Variants in NSD3 observed in about 807,000 individuals in gnomAD.
The protein encoded by NSD3 is histone-lysine N-methyltransferase NSD3.
A neutral mutation model predicts 160.8 loss-of-function variants in NSD3; 24 were observed. The ratio of observed to expected loss-of-function variants is 0.15; its 90% confidence interval spans 0.11 to 0.21. The LOEUF is 0.21. Ranked by LOEUF, NSD3 falls within the 10% of genes least tolerant of loss-of-function variation. The pLI, the probability that NSD3 is intolerant of heterozygous loss-of-function variation, is 1.00. For synonymous variants in NSD3, 520 were observed against 600.0 expected (o/e 0.87, Z 1.95); for missense variants, 1,157 against 1,735.9 (o/e 0.67, Z 5.93).
Position 38,347,887 on chromosome 8 carries a change from C to G in NSD3, c.285G>C (p.Gly95=), listed in dbSNP as rs755197522. The change falls in exon 2 of 24, where the codon GGG becomes GGC. Residue 95 remains glycine, a synonymous_variant. Transcript: ENST00000317025. The part of the protein sequence containing the change: ...KYQSYNQYPN[G]SANGFGAVRN... ...TAACTGCACCAAAGCCATTGGCTGA[C>G]CCATTAGGATACTGATTATATGACT... 4.3e-6 allele frequency: 7 copies of G among 1,614,126 alleles called. No homozygotes were observed. Among genetic ancestry groups the G allele is most frequent in the Non-Finnish European group, 5.9e-6 (7 of 1,180,044 alleles).
intron 1 of NSD3, among the ~76,000 whole-genome samples, chr8:38,372,328 A>C (rs1028872547): frequency 2.0e-5 from 3 of 152,148 alleles, no homozygotes; most frequent in Non-Finnish European, 2.9e-5. Flanking sequence ...ATTTTTTGTT[A>C]TTCATCGGTA....
intron 1 of NSD3, among the ~76,000 whole-genome samples, chr8:38,372,392 C>T (rs1476452492): frequency 6.6e-6 from 1 of 151,908 alleles, no homozygotes; most frequent in Non-Finnish European, 1.5e-5. Flanking sequence ...AGAAAGCTAC[C>T]TTAAAAATAT....
At chr8:38,313,226 T>A (rs1391181496) in intron 12 of NSD3, among the ~76,000 whole-genome samples, 1 of 152,178 alleles carries the variant, frequency 6.6e-6, no homozygotes, top group East Asian at 1.9e-4. Context: ...TGTGTATGTA[T>A]GTGAATGAAT....
chr8:38,323,662 T>A (rs970765417), intron 7 of NSD3, among the ~76,000 whole-genome samples: 1 of 151,108 alleles, frequency 6.6e-6, no homozygotes, highest in Non-Finnish European at 1.5e-5. Context: ...CTACAAAAAA[T>A]AAAAATAAAA....
chr8:38,298,998 A>T (rs1809220200), intron 15 of NSD3, among the ~76,000 whole-genome samples: 1 of 152,232 alleles, frequency 6.6e-6, no homozygotes, highest in South Asian at 2.1e-4. Flanking sequence ...TCTAAAAGCA[A>T]ACTTTCAAGT....
At position 38,318,839 on chromosome 8, in the gene NSD3, C is replaced by T; in HGVS notation, c.1855+56G>A. On this transcript the variant is annotated intron_variant, in intron 9 of 23. Coordinates refer to ENST00000317025, the MANE Select transcript of NSD3 (RefSeq NM_023034.2). This position sits in a 1 kb window ranked among gnomAD's most constrained non-coding sequence, Gnocchi z 5.3. Reference sequence around the variant, plus strand: ...AAAAATACATGAAGTACAAATAATTCTTAAAAATTGGTTTTAATCAAGGAA... The same window carrying T: ...AAAAATACATGAAGTACAAATAATTTTTAAAAATTGGTTTTAATCAAGGAA... 1 of 1,519,280 alleles carries T rather than the reference C, an allele frequency of 6.6e-7. No individual in the cohort carries two copies. Among genetic ancestry groups the T allele is most frequent in the Non-Finnish European group, 9.0e-7 (1 of 1,105,036 alleles). 94.1% of individuals were successfully genotyped at this position (1,519,280 alleles called of 1,614,324 possible). A position where few individuals can be genotyped will look rare whatever the true frequency, so the allele number is the denominator to read the frequency against.
At chr8:38,374,127 A>C (rs1440993590) in intron 1 of NSD3, among the ~76,000 whole-genome samples, 1 of 151,234 alleles carries the variant, frequency 6.6e-6, no homozygotes, top group Non-Finnish European at 1.5e-5. Flanking sequence ...AAAAAAAAAA[A>C]TTAGTTGGGC....
At chr8:38,369,869 A>T (rs990195430) in intron 1 of NSD3, among the ~76,000 whole-genome samples, 3 of 152,086 alleles carry the variant, frequency 2.0e-5, no homozygotes, top group Non-Finnish European at 4.4e-5. Flanking sequence ...ATCTCAGCTC[A>T]CTGCAACCTC....
intron 1 of NSD3, among the ~76,000 whole-genome samples, chr8:38,366,851 T>C (rs1352300866): frequency 2.0e-5 from 3 of 152,174 alleles, no homozygotes; most frequent in Non-Finnish European, 2.9e-5. Context: ...ATTTCAAGCA[T>C]TCAACATCAA....
At chr8:38,284,444 A>G (rs1808809941) in intron 19 of NSD3, among the ~76,000 whole-genome samples, 1 of 152,214 alleles carries the variant, frequency 6.6e-6, no homozygotes, top group African/African-American at 2.4e-5. Flanking sequence ...GCTGGAGTGC[A>G]ATGGCGTGAT....
At chr8:38,364,995 G>GT (rs1811072801) in intron 1 of NSD3, among the ~76,000 whole-genome samples, 1 of 152,122 alleles carries the variant, frequency 6.6e-6, no homozygotes, top group African/African-American at 2.4e-5. Flanking sequence ...CATAACCTCT[G>GT]TTTTCCCAAA....
intron 4 of NSD3, among the ~76,000 whole-genome samples, chr8:38,331,865 C>T (rs1245520233): frequency 6.6e-6 from 1 of 152,122 alleles, no homozygotes; most frequent in African/African-American, 2.4e-5. Flanking sequence ...AAATAACATT[C>T]TTCTCATTAA....
At chr8:38,305,740 CAA>C (rs2131010287) in intron 12 of NSD3, among the ~76,000 whole-genome samples, 1 of 152,210 alleles carries the variant, frequency 6.6e-6, no homozygotes, top group East Asian at 1.9e-4. Context: ...CAGACAGCAG[CAA>C]AGTTTTCCCC....
At chr8:38,310,288 CTT>C (rs2131015416) in intron 12 of NSD3, among the ~76,000 whole-genome samples, 1 of 152,260 alleles carries the variant, frequency 6.6e-6, no homozygotes, top group South Asian at 2.1e-4. Flanking sequence ...ATTTGTTGGC[CTT>C]TTATACCTGG....
chr8:38,286,082 A>G (rs1286787008), intron 19 of NSD3, among the ~76,000 whole-genome samples: 1 of 152,058 alleles, frequency 6.6e-6, no homozygotes, highest in Admixed American at 6.6e-5. Flanking sequence ...GTTGCATGTG[A>G]GCAGGACCTG....
rs1808554458 is a variant in NSD3 at position 38,274,535 on chromosome 8, A to C, written c.*1106T>G. 1 of 152,228 alleles carries C rather than the reference A, an allele frequency of 6.6e-6. No homozygotes were observed. Among genetic ancestry groups the C allele is most frequent in the African/African-American group, 2.4e-5 (1 of 41,456 alleles). The allele number at this position is 152,228 out of a possible 1,614,324, so 9.4% of individuals were successfully genotyped here. On this transcript the variant is annotated 3_prime_UTR_variant, in exon 24 of 24. Coordinates refer to ENST00000317025, the MANE Select transcript of NSD3 (RefSeq NM_023034.2). Reference sequence around the variant, plus strand: ...GATGCCCCTACTACTTTCACCCCCCAAATTAGGAACTCAACCAAAAAGATC... The same window carrying C: ...GATGCCCCTACTACTTTCACCCCCCCAATTAGGAACTCAACCAAAAAGATC...
Position 38,344,206 on chromosome 8 carries a change from G to A in NSD3, c.675+3291C>T, listed in dbSNP as rs530402732. On this transcript the variant is annotated intron_variant, in intron 2 of 23. Transcript: ENST00000317025. ...GAAGGCCAAACAGCTTAGAATTAGG[G>A]GGAAATACTTACACATCAAGTACTA... is the stretch of plus-strand genomic sequence containing the variant. Among the ~76,000 whole-genome samples, 3 of 152,296 alleles carry A rather than the reference G, an allele frequency of 2.0e-5. No homozygotes were observed. The South Asian group carries it at 6.2e-4, about 32-fold the overall frequency.
intron 2 of NSD3, 101 bp from the exon 3 acceptor site, chr8:38,338,708 A>C: frequency 1.1e-6 from 1 of 923,896 alleles, no homozygotes; most frequent in Non-Finnish European, 1.8e-6. Flanking sequence ...AAACTAAATA[A>C]AGAGAATAAA....
chr8:38,349,331 A>C (rs1376365488), intron 1 of NSD3, among the ~76,000 whole-genome samples: 1 of 151,632 alleles, frequency 6.6e-6, no homozygotes. Context: ...TTTTTTACTT[A>C]TTTTTCTTTT....
Sources: allele counts gnomAD v4.1 joint callset (sites outside exome capture counted in the v4.1 genomes callset), GRCh38; gene constraint gnomAD v4.1.1; non-coding constraint Gnocchi (gnomAD v3.1); transcripts MANE v1.5; gene names NCBI Gene and HGNC (gene_info 2026-07-23, HGNC 2026-07-21).